The following ZC3H12B variants were observed in gnomAD, a reference collection of about 807,000 sequenced individuals.
ZC3H12B encodes probable ribonuclease ZC3H12B.
In ZC3H12B, 7 loss-of-function variants were observed where a neutral mutation model predicts 43.9. The ratio of observed to expected loss-of-function variants is 0.16; its 90% confidence interval spans 0.09 to 0.30. The LOEUF is 0.30. Among genes scored for constraint, ZC3H12B ranks in the 10% least tolerant of loss-of-function variants. The pLI is 1.00. For synonymous variants in ZC3H12B, 222 were observed against 241.7 expected, an observed-to-expected ratio of 0.92 and a Z score of 0.76; for missense variants, 475 against 670.2, an observed-to-expected ratio of 0.71 and a Z score of 3.22.
At chrX:65,305,284 C>T in the ZC3H12B span, among the ~76,000 whole-genome samples, 3 of 111,273 alleles carry the variant, frequency 2.7e-5, no homozygotes, top group Non-Finnish European at 5.7e-5. Flanking sequence ...AGGGCTTGAA[C>T]TCCAGGTCTG....
At chrX:65,297,834 A>T in the ZC3H12B span, among the ~76,000 whole-genome samples, 1 of 111,904 alleles carries the variant, frequency 8.9e-6, no homozygotes, top group Non-Finnish European at 1.9e-5. Context: ...GAACCTAGAA[A>T]TAAACCCAAA....
chrX:65,319,404 A>T, the ZC3H12B span, among the ~76,000 whole-genome samples: 2 of 111,378 alleles, frequency 1.8e-5, no homozygotes, highest in African/African-American at 6.6e-5. Context: ...ACAGACAAAT[A>T]ACGAGTTCCA....
chrX:65,175,239 C>G, the ZC3H12B span, among the ~76,000 whole-genome samples: 1 of 112,038 alleles, frequency 8.9e-6, no homozygotes, highest in Non-Finnish European at 1.9e-5. Flanking sequence ...GTGAGATGAA[C>G]TGTGTACCTC....
At chrX:65,292,626 GTT>G in the ZC3H12B span, among the ~76,000 whole-genome samples, 9 of 102,664 alleles carry the variant, frequency 8.8e-5, no homozygotes, top group African/African-American at 3.2e-4. Context: ...TAAAATAGAA[GTT>G]TTTTTTTTTT....
At chrX:65,246,481 G>A in the ZC3H12B span, among the ~76,000 whole-genome samples, 1 of 111,688 alleles carries the variant, frequency 9.0e-6, no homozygotes, top group African/African-American at 3.3e-5. Context: ...GAATAAAGCT[G>A]GAGGCATAAT....
At chrX:65,224,280 C>T in the ZC3H12B span, among the ~76,000 whole-genome samples, 1 of 112,366 alleles carries the variant, frequency 8.9e-6, no homozygotes. Flanking sequence ...GATACAATTG[C>T]CTTTGAGTAC....
At chrX:65,211,628 T>A in the ZC3H12B span, among the ~76,000 whole-genome samples, 1 of 94,714 alleles carries the variant, frequency 1.1e-5, no homozygotes, top group South Asian at 4.6e-4. Context: ...CCTAACAACT[T>A]AAAATTATAA....
chrX:65,240,717 G>T, the ZC3H12B span, among the ~76,000 whole-genome samples: 4 of 112,150 alleles, frequency 3.6e-5, no homozygotes, highest in African/African-American at 1.3e-4. Context: ...TTTATCTTCG[G>T]TTTTTGGTAC....
chrX:65,353,781 G>T, the ZC3H12B span, among the ~76,000 whole-genome samples: 7 of 111,473 alleles, frequency 6.3e-5, no homozygotes, highest in Non-Finnish European at 1.3e-4. Context: ...GGTGTGGGGA[G>T]GGGTGTCCAC....
chrX:65,060,283 G>T, the ZC3H12B span, among the ~76,000 whole-genome samples: 1 of 112,036 alleles, frequency 8.9e-6, no homozygotes, highest in African/African-American at 3.2e-5. Flanking sequence ...TATCCCTGTT[G>T]TGTTCCAGAT....
intron 2 of ZC3H12B, among the ~76,000 whole-genome samples, chrX:65,382,302 G>A (rs1426321558): frequency 3.7e-5 from 4 of 109,397 alleles, no homozygotes; most frequent in East Asian, 2.8e-4. Context: ...TTCAATATAC[G>A]CAAATCAATA....
chrX:65,150,367 G>GA, the ZC3H12B span, among the ~76,000 whole-genome samples: 1 of 106,993 alleles, frequency 9.3e-6, no homozygotes, highest in Non-Finnish European at 1.9e-5. Context: ...GAATATTTCA[G>GA]TTTTTTTTTT....
chrX:65,120,884 C>G, the ZC3H12B span, among the ~76,000 whole-genome samples: 3 of 111,297 alleles, frequency 2.7e-5, no homozygotes, highest in African/African-American at 6.5e-5. Context: ...TGTGAAAGGC[C>G]TTTTCTACAT....
intron 3 of ZC3H12B, among the ~76,000 whole-genome samples, chrX:65,431,551 G>A (rs2067162064): frequency 8.9e-6 from 1 of 112,309 alleles, no homozygotes; most frequent in African/African-American, 3.2e-5. Flanking sequence ...GGGGTGGCTG[G>A]TGAAAGATGC....
chrX:65,392,953 C>T (rs775451841), intron 2 of ZC3H12B, among the ~76,000 whole-genome samples: 4 of 112,152 alleles, frequency 3.6e-5, no homozygotes, highest in East Asian at 5.6e-4. Context: ...ACCCCAACCC[C>T]GTGCTCTCTG....
intron 3 of ZC3H12B, among the ~76,000 whole-genome samples, chrX:65,415,598 G>A (rs2066950783): frequency 8.9e-6 from 1 of 111,787 alleles, no homozygotes; most frequent in Non-Finnish European, 1.9e-5. Flanking sequence ...AAAGGGAGTA[G>A]GGTATAATGA....
At chrX:65,344,113 C>A in the ZC3H12B span, among the ~76,000 whole-genome samples, 15 of 112,113 alleles carry the variant, frequency 1.3e-4, no homozygotes, top group Non-Finnish European at 2.6e-4. Context: ...TCTAGGAATA[C>A]TGCTAACCAG....
At chrX:65,113,985 G>GTGTATATATATATA in the ZC3H12B span, among the ~76,000 whole-genome samples, 3 of 47,481 alleles carry the variant, frequency 6.3e-5, no homozygotes, top group African/African-American at 1.1e-4. Flanking sequence ...AGATATGCTT[G>GTGTATATATATATA]TATATATATA....
chrX:65,196,445 C>T, the ZC3H12B span, among the ~76,000 whole-genome samples: 1 of 111,168 alleles, frequency 9.0e-6, no homozygotes, highest in Non-Finnish European at 1.9e-5. Context: ...TATCATGGGA[C>T]AACAGTTATT....
Sources: gnomAD v4.1 joint callset for allele counts (sites outside exome capture counted in the v4.1 genomes callset) on GRCh38, gnomAD v4.1.1 for gene constraint, MANE v1.5 for transcripts, NCBI Gene and HGNC (gene_info 2026-07-23, HGNC 2026-07-21) for gene names.